SYT16: variants seen among roughly 807,000 people sequenced by gnomAD.
The protein encoded by SYT16 is synaptotagmin 16.
Under a neutral mutation model 61.4 loss-of-function variants are expected in SYT16, and 42 were observed. That is an observed-to-expected ratio of 0.68 (90% CI 0.53 to 0.89). SYT16 has a LOEUF of 0.89. SYT16 is among the 40% of genes least tolerant of loss of function. The pLI is 0.00. For synonymous variants in SYT16, 314 were observed against 302.3 expected, an observed-to-expected ratio of 1.04 and a Z score of -0.40; for missense variants, 804 against 807.3, an observed-to-expected ratio of 1.00 and a Z score of 0.05.
At chr14:61,931,475 T>C (rs531557791) in intron 1 of SYT16, among the ~76,000 whole-genome samples, 1 of 152,314 alleles carries the variant, frequency 6.6e-6, no homozygotes, top group Admixed American at 6.5e-5. Context: ...GATGATTATT[T>C]TTATTATTTT....
intron 3 of SYT16, among the ~76,000 whole-genome samples, chr14:62,032,179 G>T (rs1022667360): frequency 6.6e-6 from 1 of 152,030 alleles, no homozygotes; most frequent in South Asian, 2.1e-4. Context: ...TACAAAAGAA[G>T]GGTAGAAGCT....
At chr14:61,955,186 A>G (rs1228385912) in intron 1 of SYT16, among the ~76,000 whole-genome samples, 2 of 152,088 alleles carry the variant, frequency 1.3e-5, no homozygotes, top group African/African-American at 4.8e-5. Flanking sequence ...GCAGATAAGT[A>G]TGTACCTGTG....
At chr14:62,043,276 G>T (rs1372437386) in intron 3 of SYT16, among the ~76,000 whole-genome samples, 1 of 151,994 alleles carries the variant, frequency 6.6e-6, no homozygotes, top group African/African-American at 2.4e-5. Flanking sequence ...TCTGAGGAAT[G>T]CTAAAGTTTC....
At chr14:61,830,702 A>G (rs2140233514) in intron 1 of SYT16, among the ~76,000 whole-genome samples, 1 of 152,210 alleles carries the variant, frequency 6.6e-6, no homozygotes, top group South Asian at 2.1e-4. Flanking sequence ...TCAGTTAGTA[A>G]GTGCAGGGTG....
chr14:62,030,370 A>G (rs2054268036), intron 3 of SYT16, among the ~76,000 whole-genome samples: 1 of 152,228 alleles, frequency 6.6e-6, no homozygotes, highest in Admixed American at 6.5e-5. Context: ...TTGAAAATGC[A>G]ACCATTGTGA....
At chr14:62,099,006 T>G (rs897437007) in intron 7 of SYT16, among the ~76,000 whole-genome samples, 1 of 151,744 alleles carries the variant, frequency 6.6e-6, no homozygotes, top group African/African-American at 2.4e-5. Flanking sequence ...AAAGAACAAA[T>G]TGGGTTGGAG....
chr14:61,904,316 G>A (rs1283570853), intron 1 of SYT16, among the ~76,000 whole-genome samples: 3 of 152,122 alleles, frequency 2.0e-5, no homozygotes, highest in Non-Finnish European at 2.9e-5. Flanking sequence ...TTTTGCTTAG[G>A]TGTGGGGTTG....
At chr14:62,050,274 G>A (rs1458653313) in intron 3 of SYT16, among the ~76,000 whole-genome samples, 1 of 152,132 alleles carries the variant, frequency 6.6e-6, no homozygotes, top group Non-Finnish European at 1.5e-5. Context: ...CAGCTGCTGA[G>A]GCTTGTGCAT....
Position 62,024,532 on chromosome 14 carries a change from A to G in SYT16, c.523+27990A>G, listed in dbSNP as rs572148844. Among the ~76,000 whole-genome samples the G allele has an allele frequency of 3.9e-5, 6 of 152,080 alleles. No homozygotes were observed. In the East Asian group the frequency reaches 5.8e-4, roughly 15 times the overall value. ...CCCAATAAAATTGATCGGAAAGTGC[A>G]TAGTTCCCATACACCCTGTGTTCTC... On this transcript the variant is annotated intron_variant, in intron 3 of 7. Transcript: ENST00000683842.
chr14:62,019,186 C>T (rs1316647448), intron 3 of SYT16, among the ~76,000 whole-genome samples: 1 of 152,212 alleles, frequency 6.6e-6, no homozygotes, highest in Non-Finnish European at 1.5e-5. Flanking sequence ...GAAGGAATAA[C>T]ACTGTAGTAA....
chr14:62,082,650 C>A (rs918407092), intron 6 of SYT16, among the ~76,000 whole-genome samples: 1 of 152,134 alleles, frequency 6.6e-6, no homozygotes, highest in African/African-American at 2.4e-5. Flanking sequence ...CTCAGATCTC[C>A]CTTTTTTCTT....
intron 1 of SYT16, among the ~76,000 whole-genome samples, chr14:61,949,191 A>G (rs1420245785): frequency 6.6e-6 from 1 of 152,150 alleles, no homozygotes; most frequent in African/African-American, 2.4e-5. Context: ...TGGTGTTCTG[A>G]TTTGTCACAC....
At chr14:61,990,039 A>G (rs11622983) in intron 2 of SYT16, among the ~76,000 whole-genome samples, 115,660 of 152,090 alleles carry the variant, frequency 0.76, 44,158 homozygotes, top group Admixed American at 0.81. Context: ...CAAATGCTGT[A>G]GAAGATATTT....
At chr14:61,892,980 A>G (rs2048192789) in intron 1 of SYT16, among the ~76,000 whole-genome samples, 1 of 151,788 alleles carries the variant, frequency 6.6e-6, no homozygotes, top group Admixed American at 6.6e-5. Flanking sequence ...CAGTGTGGTG[A>G]CTCAGGTGTG....
At chr14:61,929,071 G>A (rs959628067) in intron 1 of SYT16, among the ~76,000 whole-genome samples, 14 of 152,190 alleles carry the variant, frequency 9.2e-5, no homozygotes, top group African/African-American at 3.4e-4. Context: ...CACTGGCTTA[G>A]TTCAGTTTTT....
intron 1 of SYT16, among the ~76,000 whole-genome samples, chr14:61,871,225 C>T (rs1187078134): frequency 6.6e-6 from 1 of 151,476 alleles, no homozygotes; most frequent in Non-Finnish European, 1.5e-5. Flanking sequence ...TATTTTTTGC[C>T]CACTGGCTAG....
chr14:62,050,400 C>G (rs2055219117), intron 3 of SYT16, among the ~76,000 whole-genome samples: 1 of 152,070 alleles, frequency 6.6e-6, no homozygotes, highest in Non-Finnish European at 1.5e-5. Context: ...TTTTTAACTT[C>G]TTTGCCATTG....
chr14:61,825,959 C>T (rs1396312661), intron 1 of SYT16, among the ~76,000 whole-genome samples: 2 of 152,298 alleles, frequency 1.3e-5, no homozygotes, highest in South Asian at 4.1e-4. Flanking sequence ...CCTGCCACCC[C>T]ATAGTTCAAA....
In SYT16 at chr14:61,918,807, C is replaced by G. The variant is rs1404051339; in HGVS notation, c.-324-51325C>G. 2.6e-5 allele frequency among the ~76,000 whole-genome samples: 4 copies of G among 152,072 alleles called. No individual in the cohort carries two copies. In the East Asian group the frequency reaches 7.7e-4, roughly 29 times the overall value. ...ATTTTTCTACAATGAATATGAATTA[C>G]TTGTGTGGAAAAACAGAAGCAGAAG... On this transcript the variant is annotated intron_variant, in intron 1 of 7. Coordinates refer to ENST00000683842, the MANE Select transcript of SYT16 (RefSeq NM_001367656.1).
Sources: gnomAD v4.1 joint callset for allele counts (sites outside exome capture counted in the v4.1 genomes callset) on GRCh38, gnomAD v4.1.1 for gene constraint, MANE v1.5 for transcripts, NCBI Gene and HGNC (gene_info 2026-07-23, HGNC 2026-07-21) for gene names.